LINGO2: variants seen among roughly 807,000 people sequenced by gnomAD.
The protein encoded by LINGO2 is leucine-rich repeat and immunoglobulin-like domain-containing nogo receptor-interacting protein 2.
A neutral mutation model predicts 30.6 loss-of-function variants in LINGO2; 14 were observed. The ratio of observed to expected loss-of-function variants is 0.46; its 90% CI spans 0.30 to 0.72. LINGO2 has a LOEUF of 0.72. Among genes scored for constraint, LINGO2 ranks in the 30% least tolerant of loss-of-function variants. The pLI is 0.07. For missense variants in LINGO2, 729 were observed against 751.7 expected, an observed-to-expected ratio of 0.97 and a Z score of 0.35; for synonymous variants, 317 against 288.5, an observed-to-expected ratio of 1.10 and a Z score of -1.00.
At chr9:29,208,847 T>C in the LINGO2 span, among the ~76,000 whole-genome samples, 1 of 152,156 alleles carries the variant, frequency 6.6e-6, no homozygotes, top group African/African-American at 2.4e-5. Context: ...TCCACTGCTT[T>C]TTCTATTTAT....
chr9:28,556,124 T>C (rs974133256), intron 1 of LINGO2, among the ~76,000 whole-genome samples: 15 of 152,088 alleles, frequency 9.9e-5, no homozygotes, highest in South Asian at 2.1e-4. Flanking sequence ...CTATTCAACA[T>C]AGTGTTGGAA....
chr9:28,449,931 T>C (rs772614531), intron 2 of LINGO2, among the ~76,000 whole-genome samples: 9 of 151,970 alleles, frequency 5.9e-5, no homozygotes, highest in Non-Finnish European at 1.0e-4. Context: ...CTCATTTCCT[T>C]ATCCCCTGGT....
intron 1 of LINGO2, among the ~76,000 whole-genome samples, chr9:28,523,685 T>C (rs550916764): frequency 6.6e-6 from 1 of 152,236 alleles, no homozygotes; most frequent in East Asian, 1.9e-4. Flanking sequence ...TCATTCATAA[T>C]GATTTAAAAA....
rs535121000 is a variant in LINGO2, at chr9:28,148,770, T to C, written c.-86-136365A>G. 10 of 1,533,976 alleles carry C rather than the reference T, an allele frequency of 6.5e-6. No homozygotes were observed. Among genetic ancestry groups the C allele is most frequent in the Admixed American group, 3.9e-5 (2 of 50,980 alleles). On this transcript the variant is annotated intron_variant, in intron 4 of 5. Coordinates refer to ENST00000379992, the Ensembl canonical transcript of LINGO2. This position sits in a 1 kb window ranked among gnomAD's most constrained non-coding sequence, Gnocchi z 5.1. ...AAGCCTGACCCACTTCCAACAGTGC[T>C]CCCTGCCCCAGTTCCAGGCTGCTCC...
chr9:28,925,465 G>A, the LINGO2 span, among the ~76,000 whole-genome samples: 1 of 152,122 alleles, frequency 6.6e-6, no homozygotes, highest in Non-Finnish European at 1.5e-5. Flanking sequence ...GGGGCGTGGT[G>A]GTTTCCTTGG....
At chr9:29,030,611 T>G in the LINGO2 span, among the ~76,000 whole-genome samples, 1 of 152,168 alleles carries the variant, frequency 6.6e-6, no homozygotes, top group African/African-American at 2.4e-5. Context: ...TTTTCTCATT[T>G]GTTTTCATGA....
At chr9:28,851,056 C>G in the LINGO2 span, among the ~76,000 whole-genome samples, 2 of 151,982 alleles carry the variant, frequency 1.3e-5, no homozygotes, top group African/African-American at 4.8e-5. Flanking sequence ...GGAGTAAAGA[C>G]TTAATGACTG....
intron 4 of LINGO2, among the ~76,000 whole-genome samples, chr9:28,102,051 C>A (rs1468666271): frequency 6.6e-6 from 1 of 152,090 alleles, no homozygotes; most frequent in Non-Finnish European, 1.5e-5. Flanking sequence ...ATCCCTCCCA[C>A]TGAGCATTTT....
At position 28,178,591 on chromosome 9, in the gene LINGO2, T is replaced by A. The variant is rs1336179587; in HGVS notation, c.-87+116617A>T. Among the ~76,000 whole-genome samples the A allele has an allele frequency of 1.6e-4, 25 of 152,168 alleles. 1 individual carries two copies. The highest frequency in any genetic ancestry group is 3.7e-4 in the Non-Finnish European group (25 of 68,012). ...AAGCTTTGGTGATAACAGGAAATTA[T>A]CTTCTCAATGTTCACGGAACATTTT... is the stretch of plus-strand genomic sequence containing the variant. On this transcript the variant is annotated intron_variant, in intron 4 of 5. Coordinates refer to ENST00000379992, the Ensembl canonical transcript of LINGO2.
At chr9:28,500,583 T>G (rs534011251) in intron 1 of LINGO2, among the ~76,000 whole-genome samples, 1 of 151,982 alleles carries the variant, frequency 6.6e-6, no homozygotes, top group South Asian at 2.1e-4. Flanking sequence ...TTTCTCAGAA[T>G]GCACGACAAA....
chr9:28,097,683 G>C (rs11791481), intron 4 of LINGO2, among the ~76,000 whole-genome samples: 2 of 115,240 alleles, frequency 1.7e-5, no homozygotes, highest in African/African-American at 6.6e-5. Context: ...TGGGGACTGT[G>C]GTGGGGTCGG....
chr9:28,153,980 A>G (rs1237652865), intron 4 of LINGO2, among the ~76,000 whole-genome samples: 2 of 152,212 alleles, frequency 1.3e-5, no homozygotes, highest in African/African-American at 4.8e-5. Flanking sequence ...TTAAATTATT[A>G]CATTATTTGC....
At chr9:28,042,724 C>T (rs540120258) in intron 4 of LINGO2, among the ~76,000 whole-genome samples, 1 of 152,274 alleles carries the variant, frequency 6.6e-6, no homozygotes, top group South Asian at 2.1e-4. Flanking sequence ...TTGCTTCATT[C>T]ATGTTCTGCA....
the LINGO2 span, among the ~76,000 whole-genome samples, chr9:28,855,725 A>G: frequency 6.6e-6 from 1 of 151,916 alleles, no homozygotes; most frequent in Non-Finnish European, 1.5e-5. Context: ...AAAACATTCA[A>G]TGGGTTATTT....
Position 28,167,145 on chromosome 9 carries a change from C to G in LINGO2, c.-87+128063G>C, listed in dbSNP as rs539940866. 2.1e-3 allele frequency among the ~76,000 whole-genome samples: 293 copies of G among 140,712 alleles called. 9 individuals are homozygous for G. Among genetic ancestry groups the G allele is most frequent in the African/African-American group, 7.2e-3 (282 of 39,002 alleles). The allele number at this position is 140,712 out of a possible 152,430, so 92.3% of individuals were successfully genotyped here. On this transcript the variant is annotated intron_variant, in intron 4 of 5. Transcript: ENST00000379992. ...AGCTTTTACTTAATATAGCACCCCCCCCCCCCACTTTTCTTTTCTCCAGCT... is the reference window on the plus strand; with the variant it reads ...AGCTTTTACTTAATATAGCACCCCCGCCCCCCACTTTTCTTTTCTCCAGCT...
At chr9:28,777,194 C>G in the LINGO2 span, among the ~76,000 whole-genome samples, 2 of 152,048 alleles carry the variant, frequency 1.3e-5, no homozygotes, top group Non-Finnish European at 2.9e-5. Context: ...GACCCAGTCT[C>G]GGGTAGCTCT....
At chr9:28,758,333 C>A in the LINGO2 span, among the ~76,000 whole-genome samples, 1 of 151,994 alleles carries the variant, frequency 6.6e-6, no homozygotes, top group African/African-American at 2.4e-5. Context: ...ACAGTCAAAG[C>A]AGAATGTTAT....
At chr9:28,038,391 T>C (rs956172111) in intron 4 of LINGO2, among the ~76,000 whole-genome samples, 1 of 152,186 alleles carries the variant, frequency 6.6e-6, no homozygotes, top group African/African-American at 2.4e-5. Context: ...TATTCATAAA[T>C]TTTAAAAAAG....
intron 1 of LINGO2, among the ~76,000 whole-genome samples, chr9:28,506,801 C>G (rs1162486681): frequency 6.6e-6 from 1 of 151,654 alleles, no homozygotes; most frequent in Non-Finnish European, 1.5e-5. Flanking sequence ...ATAGAAAGTA[C>G]TGAGTGTAAG....
Sources: allele counts gnomAD v4.1 joint callset (sites outside exome capture counted in the v4.1 genomes callset), GRCh38; gene constraint gnomAD v4.1.1; non-coding constraint Gnocchi (gnomAD v3.1); transcripts MANE v1.5; gene names NCBI Gene and HGNC (gene_info 2026-07-23, HGNC 2026-07-21).